Variants in DIPK1B observed in about 807,000 individuals in gnomAD.
DIPK1B encodes divergent protein kinase domain 1B, also known as family with sequence similarity 69 member B.
In DIPK1B, 17 loss-of-function variants were observed where a neutral mutation model predicts 20.7. The ratio of observed to expected loss-of-function variants is 0.82; its 90% CI spans 0.56 to 1.23. The LOEUF (loss-of-function observed/expected upper bound fraction) is 1.23. DIPK1B is among the 50% of genes most tolerant of loss of function. DIPK1B has a pLI of 0.00. For missense variants in DIPK1B, 648 were observed against 601.8 expected (o/e 1.08, Z -0.80); for synonymous variants, 343 against 276.5 (o/e 1.24, Z -2.39).
rs1249930233 is a variant in DIPK1B, at chr9:136,723,789, G to A, written c.*15G>A. 3.9e-6 allele frequency: 6 copies of A among 1,531,180 alleles called. No homozygotes were observed. The East Asian group carries it at 7.3e-5, about 19-fold the overall frequency. The allele number at this position is 1,531,180 out of a possible 1,614,324, so 94.8% of individuals were successfully genotyped here. A position where few individuals can be genotyped will look rare whatever the true frequency, so the allele number is the denominator to read the frequency against. On this transcript the variant is annotated 3_prime_UTR_variant, in exon 5 of 5. Transcript: ENST00000371692. Reference sequence around the variant, plus strand: ...AGTACTCTTGATGGGGCAGTGAGGGGCCTGGCCACCCTTCCTGGAGCTGGC... The same window carrying A: ...AGTACTCTTGATGGGGCAGTGAGGGACCTGGCCACCCTTCCTGGAGCTGGC...
Position 136,724,229 on chromosome 9 carries a change from T to C in DIPK1B, c.*455T>C, listed in dbSNP as rs1846667494. Among the ~76,000 whole-genome samples the C allele has an allele frequency of 6.6e-6, 1 of 152,134 alleles. No homozygotes were observed. The highest frequency in any genetic ancestry group is 6.5e-5 in the Admixed American group (1 of 15,280). On this transcript the variant is annotated 3_prime_UTR_variant, in exon 5 of 5. Coordinates refer to ENST00000371692, the MANE Select transcript of DIPK1B (RefSeq NM_152421.4). ...GCCTGCCCTTCAACCCACACACACC[T>C]CTGAAGCCGCCAGGGCAGTTCCCCA...
chr9:136,716,989 G>A (rs1422191387), intron 1 of DIPK1B, among the ~76,000 whole-genome samples: 1 of 152,120 alleles, frequency 6.6e-6, no homozygotes, highest in African/African-American at 2.4e-5. Context: ...AGCACTTTGG[G>A]AGGCCAAGGC....
In DIPK1B at chr9:136,723,923, C is replaced by G; in HGVS notation, c.*149C>G. ...GTCAGGGCTCTGGATTCCAGCACCA[C>G]AGACATGAGACCCCAGCTCGGAGCA... is the stretch of plus-strand genomic sequence containing the variant. On this transcript the variant is annotated 3_prime_UTR_variant, in exon 5 of 5. Transcript: ENST00000371692. 3.7e-6 allele frequency: 3 copies of G among 810,746 alleles called. No homozygotes were observed. The highest frequency in any genetic ancestry group is 5.7e-6 in the Non-Finnish European group (3 of 526,526). 50.2% of individuals were successfully genotyped at this position (810,746 alleles called of 1,614,324 possible).
In DIPK1B at chr9:136,723,945, A is replaced by G. The variant is rs1343491752; in HGVS notation, c.*171A>G. 1.4e-6 allele frequency: 1 copy of G among 690,706 alleles called. No homozygotes were observed. The highest frequency in any genetic ancestry group is 2.4e-6 in the Non-Finnish European group (1 of 419,766). 42.8% of individuals were successfully genotyped at this position (690,706 alleles called of 1,614,324 possible). On this transcript the variant is annotated 3_prime_UTR_variant, in exon 5 of 5. Transcript: ENST00000371692. ...CCACAGACATGAGACCCCAGCTCGG[A>G]GCAAAGGCGGACATGGACATCCCGG...
In DIPK1B at chr9:136,723,592, C is replaced by G; in HGVS notation, c.1114C>G (p.Leu372Val). ...IQPNLAKVCA[L>V]LRGYLLPGAP... ...GCCCAACCTGGCCAAGGTGTGCGCA[C>G]TGCTACGGGGCTACCTGCTGCCTGG... Residue 372 changes from leucine to valine, a missense_variant, in exon 5 of 5, where the codon CTG becomes GTG. Leu to Val is a conservative substitution (Grantham distance 32, BLOSUM62 1). Coordinates refer to ENST00000371692, the MANE Select transcript of DIPK1B (RefSeq NM_152421.4). 2.5e-6 allele frequency: 4 copies of G among 1,594,230 alleles called. No individual in the cohort carries two copies. Among genetic ancestry groups the G allele is most frequent in the Non-Finnish European group, 3.4e-6 (4 of 1,171,186 alleles).
intron 1 of DIPK1B, among the ~76,000 whole-genome samples, chr9:136,713,956 C>A (rs1417748068): frequency 6.6e-6 from 1 of 152,208 alleles, no homozygotes. Flanking sequence ...CCTTCCCTAT[C>A]CTCCAAGTGG....
intron 4 of DIPK1B, chr9:136,722,707 G>A (rs906308871): frequency 2.7e-5 from 16 of 585,784 alleles, no homozygotes; most frequent in Middle Eastern, 4.5e-4. Context: ...GCCCACCCCC[G>A]AGCTCCCCAG....
intron 2 of DIPK1B, among the ~76,000 whole-genome samples, chr9:136,719,389 T>C (rs905773865): frequency 2.0e-5 from 3 of 152,084 alleles, no homozygotes; most frequent in Non-Finnish European, 4.4e-5. Context: ...CATGGAGACG[T>C]CCCCTCCTTC....
chr9:136,719,872 G>A (rs551153253), intron 2 of DIPK1B, among the ~76,000 whole-genome samples: 5 of 151,942 alleles, frequency 3.3e-5, no homozygotes, highest in South Asian at 2.1e-4. Context: ...GGCTGGTCTG[G>A]GGCTCCGGGC....
chr9:136,722,397 C>A, intron 4 of DIPK1B, 96 bp downstream of exon 4: 3 of 1,349,390 alleles, frequency 2.2e-6, no homozygotes, highest in Non-Finnish European at 2.0e-6. Context: ...CGCAAAGGCA[C>A]AGATGGGCCC....
Position 136,717,691 on chromosome 9 carries a change from C to G in DIPK1B, c.178C>G (p.His60Asp). Residue 60 changes from histidine to aspartate, a missense_variant, in exon 2 of 5, where the codon CAT (histidine) becomes GAT (aspartate). Transcript: ENST00000371692. ...GTCCTACTCGGAGCGCTGTCGCGGC[C>G]ATGTCTGCCAGGTGGTCATTGTAAG... Reference protein sequence around the residue: ...YSSYSERCRGHVCQVVICDQY... With the variant: ...YSSYSERCRGDVCQVVICDQY... The G allele has an allele frequency of 6.2e-7, 1 of 1,611,148 alleles. No homozygotes were observed.
chr9:136,717,748 GC>G, intron 2 of DIPK1B, 37 bp downstream of exon 2: 2 of 1,605,996 alleles, frequency 1.2e-6, no homozygotes. Context: ...ACTGGGCCGT[GC>G]CCCCTGCTGC....
chr9:136,717,411 G>C (rs143829740), intron 1 of DIPK1B, among the ~76,000 whole-genome samples, 166 bp from the exon 2 acceptor site: 5 of 152,138 alleles, frequency 3.3e-5, no homozygotes. Context: ...AGTGGGTGTC[G>C]CTGAGCTGGG....
Position 136,722,237 on chromosome 9 carries a change from T to G in DIPK1B, c.419T>G (p.Phe140Cys), listed in dbSNP as rs942067650. 3 of 1,613,784 alleles carry G rather than the reference T, an allele frequency of 1.9e-6. No individual in the cohort carries two copies. Among genetic ancestry groups the G allele is most frequent in the African/African-American group, 2.7e-5 (2 of 74,904 alleles). ...DAAPRRELVL[F>C]DKPTRGTSIK... is the part of the protein sequence containing the mutation. ...GCCCCCCGGCGGGAGCTGGTACTGTTTGACAAGCCCACCCGGGGCACCTCC... is the reference window on the plus strand; with the variant it reads ...GCCCCCCGGCGGGAGCTGGTACTGTGTGACAAGCCCACCCGGGGCACCTCC... Residue 140 changes from phenylalanine to cysteine, a missense_variant, in exon 4 of 5, where the codon TTT (phenylalanine) becomes TGT (cysteine). Phe to Cys is a radical substitution (Grantham distance 205, BLOSUM62 -2). Coordinates refer to ENST00000371692, the MANE Select transcript of DIPK1B (RefSeq NM_152421.4).
Position 136,712,836 on chromosome 9 carries a change from A to G in DIPK1B, c.63+108A>G, listed in dbSNP as rs1846445688. On this transcript the variant is annotated intron_variant, in intron 1 of 4. Transcript: ENST00000371692. This position sits in a 1 kb window ranked among gnomAD's most constrained non-coding sequence, Gnocchi z 5.6. ...AGCGGGGCCCCGGGTTCGGACACGA[A>G]GGGTTCATGAGCCCGGGGTGGGCAG... The G allele has an allele frequency of 1.6e-6, 1 of 644,190 alleles. No homozygotes were observed. The highest frequency in any genetic ancestry group is 2.1e-6 in the Non-Finnish European group (1 of 469,818). The allele number at this position is 644,190 out of a possible 1,614,324, so 39.9% of individuals were successfully genotyped here.
intron 4 of DIPK1B, chr9:136,722,664 C>T (rs1846626114): frequency 7.0e-6 from 4 of 567,786 alleles, no homozygotes; most frequent in Admixed American, 3.2e-5. Flanking sequence ...GATTCTCATC[C>T]TCAGGGAAGC....
intron 2 of DIPK1B, among the ~76,000 whole-genome samples, chr9:136,720,403 TCCCCAGCTCCCTC>T (rs1588283932): frequency 6.6e-6 from 1 of 152,012 alleles, no homozygotes; most frequent in East Asian, 1.9e-4. Flanking sequence ...GCAGCTCCCT[TCCCCAGCTCCCTC>T]CAAGCCTGCT....
chr9:136,723,136 A>G lies in DIPK1B; in HGVS notation c.658A>G (p.Arg220Gly). The part of the protein sequence containing the change: ...LSLQEKEHAS[R>G]LLGYCGDLYL... The stretch of plus-strand genomic sequence containing the variant: ...CCTGCAGGAGAAGGAGCACGCCTCC[A>G]GACTGCTGGGCTACTGTGGGGACCT... The change falls in exon 5 of 5, where the codon AGA becomes GGA. Residue 220 changes from arginine (R) to glycine (G), a missense_variant. By Grantham distance (125) the Arg-to-Gly change is moderately radical. Transcript: ENST00000371692. 1 of 1,613,560 alleles carries G rather than the reference A, an allele frequency of 6.2e-7. No individual in the cohort carries two copies. Among genetic ancestry groups the G allele is most frequent in the Non-Finnish European group, 8.5e-7 (1 of 1,180,026 alleles).
intron 2 of DIPK1B, among the ~76,000 whole-genome samples, chr9:136,719,137 C>A (rs1490328658): frequency 2.8e-4 from 3 of 10,560 alleles, no homozygotes; most frequent in African/African-American, 4.5e-4. Flanking sequence ...ACCTCCGGGC[C>A]GGGATGTTGT....
Sources: gnomAD v4.1 joint callset for allele counts (sites outside exome capture counted in the v4.1 genomes callset) on GRCh38, gnomAD v4.1.1 for gene constraint, Gnocchi (gnomAD v3.1) non-coding constraint, MANE v1.5 for transcripts, NCBI Gene and HGNC (gene_info 2026-07-23, HGNC 2026-07-21) for gene names.